NTRK1: variants seen among roughly 807,000 people sequenced by gnomAD.
NTRK1 encodes the protein neurotrophic receptor tyrosine kinase 1, also known as high affinity nerve growth factor receptor.
A neutral mutation model predicts 86.8 loss-of-function variants in NTRK1; 62 were observed. The observed-to-expected ratio is 0.71, with a 90% confidence interval of 0.58 to 0.88. The LOEUF is 0.88. Ranked by LOEUF, NTRK1 falls within the 40% of genes least tolerant of loss-of-function variation. NTRK1 has a pLI of 0.00. For missense variants in NTRK1, 967 were observed against 1,078.4 expected, an observed-to-expected ratio of 0.90 and a Z score of 1.45; for synonymous variants, 469 against 456.6, an observed-to-expected ratio of 1.03 and a Z score of -0.35.
At chr1:156,876,364 C>T (rs767872409) in intron 13 of NTRK1, 36 bp from the exon 14 acceptor site, 2 of 1,612,898 alleles carry the variant, frequency 1.2e-6, no homozygotes, top group Non-Finnish European at 1.7e-6. Flanking sequence ...AGGGCTCGGC[C>T]CCCAACTCAG....
Position 156,822,609 on chromosome 1 carries a change from G to GTAAAA in NTRK1, c.-64+6771_-64+6772insTAAAA, listed in dbSNP as rs60950376. Among the ~76,000 whole-genome samples the GTAAAA allele has an allele frequency of 2.7e-3, 218 of 81,310 alleles. 2 individuals are homozygous for GTAAAA. Among genetic ancestry groups the GTAAAA allele is most frequent in the African/African-American group, 6.6e-3 (205 of 31,218 alleles). The allele number at this position is 81,310 out of a possible 152,430, so 53.3% of individuals were successfully genotyped here. On this transcript the variant is annotated intron_variant, in intron 1 of 16. Coordinates refer to the NTRK1 transcript ENST00000392302. ...CTCAAAGACCGAGGCTAAAAGATTAGAAAAAAAAAAAAAAAAAAAAGCTAT... is the reference window on the plus strand; with the variant it reads ...CTCAAAGACCGAGGCTAAAAGATTAGTAAAAAAAAAAAAAAAAAAAAAAAAGCTAT...
At chr1:156,819,450 C>G (rs370488467) in intron 1 of NTRK1, among the ~76,000 whole-genome samples, 3 of 152,122 alleles carry the variant, frequency 2.0e-5, no homozygotes, top group African/African-American at 7.2e-5. Flanking sequence ...TGTATACTTT[C>G]TTTTGAGAAA....
At chr1:156,845,968 A>G in intron 2 of NTRK1, 1 of 1,612,750 alleles carries the variant, frequency 6.2e-7, no homozygotes, top group African/African-American at 1.3e-5. Flanking sequence ...GGCAGTAGTC[A>G]TTGAGGTAGA....
intron 1 of NTRK1, among the ~76,000 whole-genome samples, chr1:156,835,152 G>A (rs529168922): frequency 3.9e-5 from 6 of 152,140 alleles, no homozygotes; most frequent in Non-Finnish European, 7.4e-5. Flanking sequence ...TAAGCCTAGG[G>A]TTGCTAGGAA....
At chr1:156,841,660 C>A in intron 1 of NTRK1, 1 of 1,613,518 alleles carries the variant, frequency 6.2e-7, no homozygotes, top group Middle Eastern at 1.7e-4. Flanking sequence ...CCAGCTCGGC[C>A]CCACCAGACA....
chr1:156,856,148 T>C (rs752534327), upstream of NTRK1, among the ~76,000 whole-genome samples: 1 of 152,160 alleles, frequency 6.6e-6, no homozygotes, highest in Non-Finnish European at 1.5e-5. Context: ...ATAATTTATA[T>C]ATTAACATAG....
At chr1:156,843,543 A>G in intron 2 of NTRK1, 2 of 1,480,362 alleles carry the variant, frequency 1.4e-6, no homozygotes, top group Non-Finnish European at 9.4e-7. Flanking sequence ...CAACATCAGA[A>G]GAAGGAAGAA....
intron 14 of NTRK1, among the ~76,000 whole-genome samples, chr1:156,877,547 C>T (rs1647996277): frequency 6.6e-6 from 1 of 152,246 alleles, no homozygotes; most frequent in Non-Finnish European, 1.5e-5. Context: ...TCTAGTCCTT[C>T]TCTGATGAGA....
At position 156,844,860 on chromosome 1, in the gene NTRK1, C is replaced by A. The variant is rs746539333; in HGVS notation, c.50+2667C>A. 4.0e-5 allele frequency: 65 copies of A among 1,613,532 alleles called. No homozygotes were observed. In the Middle Eastern group the frequency reaches 1.3e-3, roughly 33 times the overall value. On this transcript the variant is annotated intron_variant, in intron 2 of 16. Transcript: ENST00000392302. ...CAGCCTCTCCTGCGGGAAGGGGCAT[C>A]CAGCAGCCGGGCCAAAAGTGGTTCA...
intron 1 of NTRK1, among the ~76,000 whole-genome samples, chr1:156,836,089 G>A (rs12042297): frequency 2.0e-5 from 3 of 152,008 alleles, no homozygotes; most frequent in Non-Finnish European, 4.4e-5. Flanking sequence ...CTCCTCCTGC[G>A]TGTCTGTCAG....
Position 156,873,657 on chromosome 1 carries a change from C to A in NTRK1, c.875C>A (p.Thr292Lys), listed in dbSNP as rs764645590. The A allele has an allele frequency of 3.7e-6, 6 of 1,610,336 alleles. No individual in the cohort carries two copies. Among genetic ancestry groups the A allele is most frequent in the South Asian group, 1.1e-5 (1 of 90,900 alleles). ...VSFPASVQLH[T>K]AVEMHHWCIP... ...GTCCCGGCCAGTGTGCAGCTGCACA[C>A]GGCGGTGGAGATGCACCACTGGTGC... Residue 292 changes from threonine to lysine, a missense_variant, in exon 8 of 17, where the codon ACG (threonine) becomes AAG (lysine). Transcript: ENST00000524377.
At chr1:156,843,237 C>A (rs1654865565) in intron 2 of NTRK1, 1 of 1,613,522 alleles carries the variant, frequency 6.2e-7, no homozygotes, top group African/African-American at 1.3e-5. Context: ...ACATACACTG[C>A]AAGGAGGTGG....
At chr1:156,857,158 T>A (rs1655432767), upstream of NTRK1, among the ~76,000 whole-genome samples, 1 of 118,548 alleles carries the variant, frequency 8.4e-6, no homozygotes, top group South Asian at 3.0e-4. Context: ...GCCCAGCAGC[T>A]GTGTATGTGT....
rs774654606 is a variant in NTRK1 at position 156,871,749 on chromosome 1, G to A, written c.844G>A (p.Val282Ile). ...GRAEVSVQVN[V>I]SFPASVQLHT... ...GGCAGAGGTCTCTGTTCAGGTCAAC[G>A]TCTCCTGTGAGTCTCAGTGGCAGCT... The change falls in exon 7 of 17, where the codon GTC becomes ATC. Residue 282 changes from valine (V) to isoleucine (I), a missense_variant. By Grantham distance (29) the Val-to-Ile change is conservative. Transcript: ENST00000524377. The A allele has an allele frequency of 1.2e-5, 19 of 1,614,030 alleles. No individual in the cohort carries two copies. Among genetic ancestry groups the A allele is most frequent in the Middle Eastern group, 3.3e-4 (2 of 6,084 alleles).
intron 1 of NTRK1, among the ~76,000 whole-genome samples, chr1:156,816,337 G>A (rs1653929220): frequency 6.6e-6 from 1 of 152,228 alleles, no homozygotes; most frequent in African/African-American, 2.4e-5. Context: ...GAGAGGCTGG[G>A]AGTCAGGCTG....
At chr1:156,875,993 A>G (rs976619847) in intron 12 of NTRK1, 87 bp from the exon 13 acceptor site, 7 of 1,596,514 alleles carry the variant, frequency 4.4e-6, no homozygotes, top group Non-Finnish European at 5.1e-6. Flanking sequence ...AGCCTTGTGC[A>G]GCACACAGCC....
chr1:156,877,471 G>A (rs541935633), intron 14 of NTRK1, among the ~76,000 whole-genome samples: 1 of 152,366 alleles, frequency 6.6e-6, no homozygotes, highest in East Asian at 1.9e-4. Flanking sequence ...ATGGCCCAGG[G>A]GTGATGTGGC....
intron 1 of NTRK1, among the ~76,000 whole-genome samples, chr1:156,831,831 G>A (rs1654474121): frequency 2.0e-5 from 3 of 152,224 alleles, no homozygotes; most frequent in African/African-American, 7.2e-5. Context: ...GGCTAGAAGG[G>A]ATGGGAGATT....
At chr1:156,864,003 G>A (rs1056269654) in intron 1 of NTRK1, among the ~76,000 whole-genome samples, 9 of 152,140 alleles carry the variant, frequency 5.9e-5, no homozygotes, top group East Asian at 1.9e-4. Flanking sequence ...GGTGCATGGC[G>A]TCATCTGTGC....
Sources: allele counts gnomAD v4.1 joint callset (sites outside exome capture counted in the v4.1 genomes callset), GRCh38; gene constraint gnomAD v4.1.1; transcripts MANE v1.5; gene names NCBI Gene and HGNC (gene_info 2026-07-23, HGNC 2026-07-21).